SCAPER: variants seen among roughly 807,000 people sequenced by gnomAD.
SCAPER encodes the protein S-phase cyclin A associated protein in the ER, also known as S phase cyclin A-associated protein in the endoplasmic reticulum.
Under a neutral mutation model 182.2 loss-of-function variants are expected in SCAPER, and 98 were observed. The ratio of observed to expected loss-of-function variants is 0.54; its 90% CI spans 0.46 to 0.64. SCAPER has a LOEUF of 0.64. SCAPER is among the 30% of genes least tolerant of loss of function. SCAPER has a pLI of 0.00. For missense variants in SCAPER, 1,432 were observed against 1,690.0 expected, an observed-to-expected ratio of 0.85 and a Z score of 2.68; for synonymous variants, 605 against 564.6, an observed-to-expected ratio of 1.07 and a Z score of -1.01.
intron 21 of SCAPER, among the ~76,000 whole-genome samples, chr15:76,660,701 T>G (rs947733832): frequency 6.6e-6 from 1 of 152,164 alleles, no homozygotes; most frequent in Non-Finnish European, 1.5e-5. Flanking sequence ...TCAAGGCTTC[T>G]GTTCTGTATT....
chr15:76,399,554 T>C (rs1299431334), intron 27 of SCAPER, among the ~76,000 whole-genome samples: 1 of 152,226 alleles, frequency 6.6e-6, no homozygotes, highest in African/African-American at 2.4e-5. Context: ...AATCCTTTCA[T>C]CAGAGGATCA....
chr15:76,703,648 G>C (rs1371779128), intron 18 of SCAPER, among the ~76,000 whole-genome samples: 1 of 152,130 alleles, frequency 6.6e-6, no homozygotes, highest in African/African-American at 2.4e-5. Flanking sequence ...AGCTCAGGAA[G>C]TGTTCTTTAA....
chr15:76,515,296 C>T (rs1250853466), intron 23 of SCAPER, among the ~76,000 whole-genome samples: 1 of 152,158 alleles, frequency 6.6e-6, no homozygotes, highest in Non-Finnish European at 1.5e-5. Context: ...AGGGTGAGTG[C>T]AGTAACTGAA....
chr15:76,579,043 G>A (rs2048063644), intron 22 of SCAPER, among the ~76,000 whole-genome samples: 1 of 152,154 alleles, frequency 6.6e-6, no homozygotes, highest in African/African-American at 2.4e-5. Flanking sequence ...GAGGCGGGCA[G>A]ATCACAAGGA....
intron 1 of SCAPER, among the ~76,000 whole-genome samples, chr15:76,902,184 T>C (rs2074824700): frequency 6.6e-6 from 1 of 152,218 alleles, no homozygotes; most frequent in Admixed American, 6.5e-5. Flanking sequence ...AACAAAATCA[T>C]GCCCTCTGCA....
intron 15 of SCAPER, among the ~76,000 whole-genome samples, chr15:76,740,115 A>G (rs1212848374): frequency 3.9e-5 from 6 of 152,256 alleles, no homozygotes; most frequent in African/African-American, 1.4e-4. Context: ...GTAGTGAACT[A>G]TGATCATGCC....
At chr15:76,524,803 GA>G (rs1474006907) in intron 23 of SCAPER, among the ~76,000 whole-genome samples, 1 of 147,160 alleles carries the variant, frequency 6.8e-6, no homozygotes, top group Non-Finnish European at 1.5e-5. Flanking sequence ...AAGATCTAGG[GA>G]ATAAATATGA....
chr15:76,688,843 CTTTTT>C (rs71143353), intron 20 of SCAPER, among the ~76,000 whole-genome samples: 6 of 92,368 alleles, frequency 6.5e-5, no homozygotes, highest in South Asian at 3.8e-4. Context: ...AAATGCCTCT[CTTTTT>C]TTTTTTTTTT....
chr15:76,764,956 C>T lies in SCAPER; in HGVS notation c.1725+5G>A, dbSNP rs372922470. On this transcript the variant is annotated splice_donor_5th_base_variant and intron_variant, in intron 14 of 31. Coordinates refer to ENST00000563290, the MANE Select transcript of SCAPER (RefSeq NM_020843.4). Reference sequence around the variant, plus strand: ...ATCATAATTTCCTAAAAAATAAAAACTCACCCTTTCTAACAATTTCTGAAG... The same window carrying T: ...ATCATAATTTCCTAAAAAATAAAAATTCACCCTTTCTAACAATTTCTGAAG... The T allele has an allele frequency of 6.4e-7, 1 of 1,550,760 alleles. No individual in the cohort carries two copies. Among genetic ancestry groups the T allele is most frequent in the Non-Finnish European group, 8.8e-7 (1 of 1,141,362 alleles).
chr15:76,719,974 A>T (rs1336478804), intron 17 of SCAPER, among the ~76,000 whole-genome samples: 2 of 151,956 alleles, frequency 1.3e-5, no homozygotes, highest in African/African-American at 4.8e-5. Context: ...ACATGTGCAC[A>T]ACGTGCAGGT....
At chr15:76,657,374 C>T (rs2146638878) in intron 21 of SCAPER, among the ~76,000 whole-genome samples, 1 of 151,868 alleles carries the variant, frequency 6.6e-6, no homozygotes, top group South Asian at 2.1e-4. Context: ...CTAAAAAGCC[C>T]AATAACTAGG....
chr15:76,884,226 G>T (rs767396415), intron 1 of SCAPER, among the ~76,000 whole-genome samples: 3 of 152,156 alleles, frequency 2.0e-5, no homozygotes, highest in Non-Finnish European at 4.4e-5. Context: ...ATTTTGTAAA[G>T]TAACAGATGT....
At chr15:76,832,252 G>C (rs1568282718) in intron 5 of SCAPER, among the ~76,000 whole-genome samples, 1 of 152,284 alleles carries the variant, frequency 6.6e-6, no homozygotes, top group Middle Eastern at 3.4e-3. Context: ...CTATCTATGA[G>C]TTGAAATACA....
chr15:76,528,526 C>T (rs750788648), intron 23 of SCAPER, among the ~76,000 whole-genome samples: 79 of 152,130 alleles, frequency 5.2e-4, no homozygotes, highest in Admixed American at 2.2e-3. Flanking sequence ...CCATTTTTAG[C>T]TTCTTCCTTT....
At chr15:76,556,337 A>T (rs564774650) in intron 23 of SCAPER, among the ~76,000 whole-genome samples, 1 of 152,186 alleles carries the variant, frequency 6.6e-6, no homozygotes, top group Non-Finnish European at 1.5e-5. Flanking sequence ...AACAAGAGCA[A>T]ATCAACCCAA....
intron 1 of SCAPER, among the ~76,000 whole-genome samples, chr15:76,904,453 A>G (rs998625485): frequency 1.3e-5 from 2 of 152,236 alleles, no homozygotes; most frequent in East Asian, 1.9e-4. Context: ...CACAACTAGA[A>G]TAAGAGATGC....
intron 20 of SCAPER, among the ~76,000 whole-genome samples, chr15:76,670,567 T>C (rs1488854007): frequency 1.3e-5 from 2 of 152,188 alleles, no homozygotes; most frequent in Non-Finnish European, 2.9e-5. Context: ...GGCCACAGAT[T>C]ATACATATTT....
At chr15:76,424,379 TC>T (rs994421917) in intron 26 of SCAPER, among the ~76,000 whole-genome samples, 13 of 152,208 alleles carry the variant, frequency 8.5e-5, no homozygotes, top group African/African-American at 2.7e-4. Context: ...GTAACGGCCT[TC>T]TTTGTCTCTT....
In SCAPER at chr15:76,597,059, C is replaced by A. The variant is rs1416680385; in HGVS notation, c.2712-22775G>T. Reference sequence around the variant, plus strand: ...TGACATGACTGTATATTTAGAAAACCCCATCGTCTAAGCCCCAAATCTCCT... The same window carrying A: ...TGACATGACTGTATATTTAGAAAACACCATCGTCTAAGCCCCAAATCTCCT... On this transcript the variant is annotated intron_variant, in intron 22 of 31. Transcript: ENST00000563290. 3.3e-5 allele frequency among the ~76,000 whole-genome samples: 4 copies of A among 121,292 alleles called. 2 individuals carry two copies. The highest frequency in any genetic ancestry group is 8.0e-5 in the Non-Finnish European group (4 of 49,898). 79.6% of individuals were successfully genotyped at this position (121,292 alleles called of 152,430 possible). A position where few individuals can be genotyped will look rare whatever the true frequency, so the allele number is the denominator to read the frequency against.
Sources: gnomAD v4.1 joint callset for allele counts (sites outside exome capture counted in the v4.1 genomes callset) on GRCh38, gnomAD v4.1.1 for gene constraint, MANE v1.5 for transcripts, NCBI Gene and HGNC (gene_info 2026-07-23, HGNC 2026-07-21) for gene names.